SRGAP3: variants seen among roughly 807,000 people sequenced by gnomAD.
SRGAP3 encodes the protein SLIT-ROBO Rho GTPase activating protein 3.
Under a neutral mutation model 121.1 loss-of-function variants are expected in SRGAP3, and 39 were observed. The observed-to-expected ratio is 0.32, with a 90% CI of 0.25 to 0.42. The LOEUF (loss-of-function observed/expected upper bound fraction) is 0.42. Ranked by LOEUF, SRGAP3 falls within the 10% of genes least tolerant of loss-of-function variation. SRGAP3 has a pLI of 1.00. For missense variants in SRGAP3, 1,213 were observed against 1,470.6 expected, an observed-to-expected ratio of 0.82 and a Z score of 2.86; for synonymous variants, 601 against 570.0, an observed-to-expected ratio of 1.05 and a Z score of -0.77.
intron 3 of SRGAP3, among the ~76,000 whole-genome samples, chr3:9,316,103 C>T (rs1485170377): frequency 1.3e-5 from 2 of 151,936 alleles, no homozygotes; most frequent in East Asian, 3.9e-4. Flanking sequence ...GGCTGGAGTG[C>T]AGTGGCACGA....
intron 1 of SRGAP3, among the ~76,000 whole-genome samples, chr3:9,135,180 T>C (rs1949599289): frequency 6.6e-6 from 1 of 152,252 alleles, no homozygotes; most frequent in Non-Finnish European, 1.5e-5. Context: ...ATTTCCATCA[T>C]TGCAGAAACT....
At chr3:9,029,071 C>A (rs937421205) in intron 12 of SRGAP3, among the ~76,000 whole-genome samples, 1 of 152,154 alleles carries the variant, frequency 6.6e-6, no homozygotes, top group South Asian at 2.1e-4. Context: ...ATCTCGACAG[C>A]TGGAATTGTC....
chr3:9,105,179 T>C (rs545593632), intron 2 of SRGAP3, among the ~76,000 whole-genome samples: 37 of 152,374 alleles, frequency 2.4e-4, no homozygotes, highest in African/African-American at 8.7e-4. Context: ...TTAAATATTA[T>C]ACTTGTATGA....
intron 19 of SRGAP3, 46 bp from the exon 20 acceptor site, chr3:8,993,101 A>G: frequency 6.2e-7 from 1 of 1,611,388 alleles, no homozygotes; most frequent in Non-Finnish European, 8.5e-7. Context: ...CCCCCAAAGA[A>G]CCCAGCATAT....
chr3:9,124,997 C>T (rs1949168204), intron 1 of SRGAP3, 80 bp from the exon 2 acceptor site: 1 of 1,544,754 alleles, frequency 6.5e-7, no homozygotes, highest in Non-Finnish European at 8.9e-7. Flanking sequence ...CTGGCCTGGG[C>T]CCTGCAATTC....
intron 15 of SRGAP3, chr3:9,014,845 T>C (rs1039946571): frequency 2.6e-5 from 4 of 152,230 alleles, no homozygotes; most frequent in Non-Finnish European, 5.9e-5. Context: ...AACTTTTCTG[T>C]GAATCAAATT....
intron 3 of SRGAP3, among the ~76,000 whole-genome samples, chr3:9,308,767 G>C (rs2125277560): frequency 6.6e-6 from 1 of 152,236 alleles, no homozygotes; most frequent in East Asian, 1.9e-4. Flanking sequence ...TGATTCCTTG[G>C]CTCTACCAAG....
chr3:9,145,185 T>C (rs1416495998), intron 1 of SRGAP3, among the ~76,000 whole-genome samples: 1 of 152,122 alleles, frequency 6.6e-6, no homozygotes, highest in East Asian at 1.9e-4. Flanking sequence ...AACCTCCACC[T>C]CCCAGGTTCA....
intron 1 of SRGAP3, among the ~76,000 whole-genome samples, chr3:9,242,783 C>G (rs368628405): frequency 2.6e-5 from 4 of 152,330 alleles, no homozygotes; most frequent in East Asian, 3.9e-4. Context: ...CTCCTGGGCT[C>G]AAGCAATCCT....
At chr3:9,122,144 G>A (rs1949029201) in intron 2 of SRGAP3, among the ~76,000 whole-genome samples, 1 of 152,186 alleles carries the variant, frequency 6.6e-6, no homozygotes, top group Admixed American at 6.5e-5. Context: ...TAAGTGCTCG[G>A]TTCGATACAT....
intron 3 of SRGAP3, among the ~76,000 whole-genome samples, chr3:9,285,136 G>A (rs1954746023): frequency 6.6e-6 from 1 of 152,174 alleles, no homozygotes; most frequent in African/African-American, 2.4e-5. Flanking sequence ...TGCTTTCATT[G>A]TTATCACATA....
chr3:9,133,167 C>A (rs115562221), intron 1 of SRGAP3, among the ~76,000 whole-genome samples: 1 of 151,672 alleles, frequency 6.6e-6, no homozygotes, highest in East Asian at 1.9e-4. Flanking sequence ...GTGTTCTGTA[C>A]CTTATCTTTT....
At chr3:9,100,532 G>A (rs1948176357) in intron 3 of SRGAP3, among the ~76,000 whole-genome samples, 1 of 152,142 alleles carries the variant, frequency 6.6e-6, no homozygotes, top group African/African-American at 2.4e-5. Flanking sequence ...CCCTCCTGCT[G>A]CTTGAAAAAT....
Position 9,334,417 on chromosome 3 carries a change from G to A in SRGAP3, n.215-3821C>T, listed in dbSNP as rs73126629. On this transcript the variant is annotated intron_variant and non_coding_transcript_variant, in intron 1 of 3. Transcript: ENST00000490889. ...AATATAATACAATGTGATATGTGTTGTACTAGATATACAGAAAATGTATCC... is the reference window on the plus strand; with the variant it reads ...AATATAATACAATGTGATATGTGTTATACTAGATATACAGAAAATGTATCC... Among the ~76,000 whole-genome samples, 940 of 152,070 alleles carry A rather than the reference G, an allele frequency of 6.2e-3. 7 individuals carry two copies. The highest frequency in any genetic ancestry group is 0.022 in the African/African-American group (902 of 41,464).
chr3:9,119,691 A>G (rs2664122), intron 2 of SRGAP3, among the ~76,000 whole-genome samples: 97,126 of 152,092 alleles, frequency 0.64, 31,262 homozygotes, highest in Non-Finnish European at 0.69. Flanking sequence ...CAGGCCTAGC[A>G]GTTAAGAGGA....
chr3:9,043,458 G>A (rs1310715342), intron 10 of SRGAP3, among the ~76,000 whole-genome samples: 1 of 152,156 alleles, frequency 6.6e-6, no homozygotes, highest in Non-Finnish European at 1.5e-5. Flanking sequence ...ATAGATGGGT[G>A]AACAGAAGGG....
At chr3:9,271,102 G>A (rs1306033911) in intron 3 of SRGAP3, among the ~76,000 whole-genome samples, 6 of 152,208 alleles carry the variant, frequency 3.9e-5, no homozygotes, top group Non-Finnish European at 8.8e-5. Context: ...GGGAGGCCAA[G>A]GCGGGCAGAT....
chr3:9,111,856 G>A (rs1948635892), intron 2 of SRGAP3, among the ~76,000 whole-genome samples: 1 of 152,230 alleles, frequency 6.6e-6, no homozygotes, highest in Non-Finnish European at 1.5e-5. Flanking sequence ...TTTCATGCAA[G>A]CGTCGACCCA....
At chr3:9,101,500 G>T (rs1948213316) in intron 3 of SRGAP3, among the ~76,000 whole-genome samples, 1 of 152,224 alleles carries the variant, frequency 6.6e-6, no homozygotes. Context: ...TGGGAAAAGG[G>T]ACTTGAAGCA....
Sources: gnomAD v4.1 joint callset for allele counts (sites outside exome capture counted in the v4.1 genomes callset) on GRCh38, gnomAD v4.1.1 for gene constraint, MANE v1.5 for transcripts, NCBI Gene and HGNC (gene_info 2026-07-23, HGNC 2026-07-21) for gene names.